TLCD4: variants seen among roughly 807,000 people sequenced by gnomAD.
TLCD4 encodes the protein TLC domain containing 4, also known as TLC domain-containing protein 4.
In TLCD4, 7 loss-of-function variants were observed where a neutral mutation model predicts 24.2. That is an observed-to-expected ratio of 0.29 (90% CI 0.16 to 0.54). TLCD4 has a LOEUF of 0.54. Ranked by LOEUF, TLCD4 falls within the 20% of genes least tolerant of loss-of-function variation. The pLI, the probability that TLCD4 is intolerant of heterozygous loss-of-function variation, is 0.95. For missense variants in TLCD4, 259 were observed against 313.9 expected (o/e 0.82, Z 1.32); for synonymous variants, 103 against 106.4 (o/e 0.97, Z 0.20).
the TLCD4 span, among the ~76,000 whole-genome samples, chr1:95,096,396 GATT>G: frequency 6.6e-6 from 1 of 152,148 alleles, no homozygotes; most frequent in Admixed American, 6.6e-5. Context: ...TTTACTGTAT[GATT>G]CTTTAAGAAG....
intron 5 of TLCD4, among the ~76,000 whole-genome samples, chr1:95,170,469 A>G (rs912665073): frequency 6.6e-6 from 1 of 151,574 alleles, no homozygotes; most frequent in Non-Finnish European, 1.5e-5. Context: ...AGCTGGGACT[A>G]TAGGCACCCG....
Position 95,183,636 on chromosome 1 carries a change from T to TC in TLCD4, c.474-7913dup, listed in dbSNP as rs546806707. ...AGCAGATCACAAGGTCAGGAGGAGA[T>TC]CGAGACCATTCTGGCCAACATGGTG... On this transcript the variant is annotated intron_variant, in intron 6 of 6. Coordinates refer to ENST00000370203, the MANE Select transcript of TLCD4 (RefSeq NM_152487.3). 4.1e-3 allele frequency among the ~76,000 whole-genome samples: 622 copies of TC among 152,172 alleles called. 7 individuals are homozygous for TC. Among genetic ancestry groups the TC allele is most frequent in the African/African-American group, 0.014 (594 of 41,522 alleles).
chr1:95,143,760 T>G, intron 1 of TLCD4, 131 bp from the exon 2 acceptor site: 1 of 892,392 alleles, frequency 1.1e-6, no homozygotes, highest in Non-Finnish European at 1.5e-6. Context: ...AAAATTCTTA[T>G]AGTTTATATT....
intron 5 of TLCD4, among the ~76,000 whole-genome samples, chr1:95,160,584 C>T (rs1226031667): frequency 5.9e-5 from 9 of 152,104 alleles, no homozygotes; most frequent in African/African-American, 2.2e-4. Flanking sequence ...TGTCTTGTGC[C>T]AGTTTTCAAA....
intron 5 of TLCD4, among the ~76,000 whole-genome samples, chr1:95,154,187 G>T (rs11165321): frequency 6.6e-6 from 1 of 151,940 alleles, no homozygotes; most frequent in East Asian, 1.9e-4. Context: ...TGATGCAAGA[G>T]AACTAGACAA....
chr1:95,182,374 CT>C (rs1385599535), intron 6 of TLCD4, among the ~76,000 whole-genome samples: 1 of 151,798 alleles, frequency 6.6e-6, no homozygotes, highest in African/African-American at 2.4e-5. Context: ...AACCATTTTA[CT>C]TTGTAGCAGA....
chr1:95,162,806 C>T (rs113385570), intron 5 of TLCD4, among the ~76,000 whole-genome samples: 5 of 152,118 alleles, frequency 3.3e-5, no homozygotes, highest in Admixed American at 1.3e-4. Flanking sequence ...AAGTTCTTTA[C>T]TTTAAGAATG....
intron 5 of TLCD4, 67 bp downstream of exon 5, chr1:95,151,486 C>T (rs1285686927): frequency 6.5e-7 from 1 of 1,544,354 alleles, no homozygotes; most frequent in Non-Finnish European, 8.8e-7. Flanking sequence ...TAAAGGTGAA[C>T]ATAAATCTAA....
chr1:95,131,837 C>T (rs993159605), intron 1 of TLCD4, among the ~76,000 whole-genome samples: 7 of 152,090 alleles, frequency 4.6e-5, no homozygotes, highest in African/African-American at 1.7e-4. Flanking sequence ...AAATTTGATT[C>T]GCAATGTATT....
chr1:95,147,744 T>C (rs911741264), intron 2 of TLCD4, among the ~76,000 whole-genome samples: 1 of 149,672 alleles, frequency 6.7e-6, no homozygotes, highest in Non-Finnish European at 1.5e-5. Flanking sequence ...TTGCTGTACC[T>C]CTCATTTTTT....
intron 6 of TLCD4, among the ~76,000 whole-genome samples, chr1:95,179,294 T>C (rs771184376): frequency 6.6e-6 from 1 of 152,264 alleles, no homozygotes; most frequent in Non-Finnish European, 1.5e-5. Flanking sequence ...TTTTTATTAT[T>C]GTGGAAAGTT....
chr1:95,113,851 G>A (rs1033635660), upstream of TLCD4, among the ~76,000 whole-genome samples: 1 of 151,936 alleles, frequency 6.6e-6, no homozygotes, highest in South Asian at 2.1e-4. Flanking sequence ...TTTATGGGCT[G>A]CCTCCATAGA....
At chr1:95,120,431 G>T (rs1323152417) in intron 1 of TLCD4, 1 of 152,250 alleles carries the variant, frequency 6.6e-6, no homozygotes, top group Non-Finnish European at 1.5e-5. Context: ...AGTTGGATGT[G>T]CTGCAAGCAG....
At chr1:95,178,060 C>T (rs1429030005) in intron 6 of TLCD4, among the ~76,000 whole-genome samples, 3 of 150,922 alleles carry the variant, frequency 2.0e-5, no homozygotes, top group Admixed American at 6.6e-5. Context: ...AGGCAATTCT[C>T]CTGCCTCAGC....
At chr1:95,170,723 C>T (rs1678181776) in intron 5 of TLCD4, among the ~76,000 whole-genome samples, 2 of 152,092 alleles carry the variant, frequency 1.3e-5, no homozygotes, top group Non-Finnish European at 2.9e-5. Context: ...TTTGTCCCCT[C>T]AAGAGTCATA....
At position 95,194,510 on chromosome 1, in the gene TLCD4, G is replaced by A. The variant is rs943241253; in HGVS notation, c.*2642G>A. 4.0e-5 allele frequency: 6 copies of A among 151,704 alleles called. No homozygotes were observed. In the East Asian group the frequency reaches 9.6e-4, roughly 24 times the overall value. The allele number at this position is 151,704 out of a possible 1,614,324, so 9.4% of individuals were successfully genotyped here. A position where few individuals can be genotyped will look rare whatever the true frequency, so the allele number is the denominator to read the frequency against. On this transcript the variant is annotated 3_prime_UTR_variant, in exon 7 of 7. Coordinates refer to ENST00000370203, the MANE Select transcript of TLCD4 (RefSeq NM_152487.3). The stretch of plus-strand genomic sequence containing the variant: ...TAAATATTAAGTATTTTGACTACAC[G>A]GATTAATTTAAATGATTCTATCAGG...
At position 95,196,156 on chromosome 1, in the gene TLCD4, G is replaced by A. The variant is rs551293166; in HGVS notation, c.*4288G>A. ...GCTAATAATGTTATGGTTTTATTAA[G>A]AGATCTGTCATCTCTGTTTTTCTTA... On this transcript the variant is annotated 3_prime_UTR_variant, in exon 7 of 7. Coordinates refer to ENST00000370203, the MANE Select transcript of TLCD4 (RefSeq NM_152487.3). The A allele has an allele frequency of 9.8e-5, 15 of 152,312 alleles. No homozygotes were observed. Among genetic ancestry groups the A allele is most frequent in the Non-Finnish European group, 2.9e-5 (2 of 68,020 alleles). The allele number at this position is 152,312 out of a possible 1,614,324, so 9.4% of individuals were successfully genotyped here. A position where few individuals can be genotyped will look rare whatever the true frequency, so the allele number is the denominator to read the frequency against.
At chr1:95,168,717 T>C (rs1291543686) in intron 5 of TLCD4, among the ~76,000 whole-genome samples, 1 of 152,096 alleles carries the variant, frequency 6.6e-6, no homozygotes, top group African/African-American at 2.4e-5. Context: ...CACTCAGAAA[T>C]AGGCCTGAAG....
At chr1:95,189,588 A>G (rs761124830) in intron 6 of TLCD4, among the ~76,000 whole-genome samples, 11 of 152,168 alleles carry the variant, frequency 7.2e-5, no homozygotes, top group Non-Finnish European at 1.3e-4. Flanking sequence ...GGTAACCACT[A>G]TTCTGTTTTC....
Sources: gnomAD v4.1 joint callset for allele counts (sites outside exome capture counted in the v4.1 genomes callset) on GRCh38, gnomAD v4.1.1 for gene constraint, MANE v1.5 for transcripts, NCBI Gene and HGNC (gene_info 2026-07-23, HGNC 2026-07-21) for gene names.